Variants in GPATCH2 observed in about 807,000 individuals in gnomAD.
GPATCH2 encodes G patch domain-containing protein 2.
A neutral mutation model predicts 58.0 loss-of-function variants in GPATCH2; 51 were observed. That is an observed-to-expected ratio of 0.88 (90% CI 0.70 to 1.11). GPATCH2 has a LOEUF of 1.11. GPATCH2 is among the 50% of genes most tolerant of loss of function. The pLI is 0.00. For missense variants in GPATCH2, 625 were observed against 652.2 expected (o/e 0.96, Z 0.45); for synonymous variants, 222 against 218.5 (o/e 1.02, Z -0.14).
In GPATCH2 at chr1:217,616,455, A is replaced by G. The variant is rs1052014156; in HGVS notation, c.774-2253T>C. Among the ~76,000 whole-genome samples the G allele has an allele frequency of 5.9e-5, 9 of 152,032 alleles. No homozygotes were observed. The South Asian group carries it at 8.3e-4, about 14-fold the overall frequency. On this transcript the variant is annotated intron_variant, in intron 2 of 9. Coordinates refer to ENST00000366935, the MANE Select transcript of GPATCH2 (RefSeq NM_018040.5). ...ACTCTCTTCCCTCTCCACCTGTCCA[A>G]GCTCTTGAAGATATAAGGAAATCAG...
rs1278776823 is a variant in GPATCH2, at chr1:217,523,988, C to T, written c.1099-9099G>A. Among the ~76,000 whole-genome samples, 50 of 145,436 alleles carry T rather than the reference C, an allele frequency of 3.4e-4. 1 individual carries two copies. Among genetic ancestry groups the T allele is most frequent in the East Asian group, 3.4e-3 (16 of 4,760 alleles). ...CTCCCTCCCGGACGGGGCGGCTGGC[C>T]GGGCAGAGGGGCTCCTCACTTCCCA... On this transcript the variant is annotated intron_variant, in intron 5 of 9. Transcript: ENST00000366935.
intron 8 of GPATCH2, among the ~76,000 whole-genome samples, chr1:217,469,055 C>T (rs1397298221): frequency 6.6e-6 from 1 of 151,928 alleles, no homozygotes; most frequent in African/African-American, 2.4e-5. Context: ...TTTTAAGTGA[C>T]CAAATTTGAA....
At chr1:217,479,855 G>A (rs562877173) in intron 8 of GPATCH2, among the ~76,000 whole-genome samples, 1 of 152,084 alleles carries the variant, frequency 6.6e-6, no homozygotes, top group South Asian at 2.1e-4. Context: ...AAAAGAGCAG[G>A]AATAGCTATA....
intron 9 of GPATCH2, among the ~76,000 whole-genome samples, chr1:217,435,160 T>C (rs1281664085): frequency 2.0e-5 from 3 of 152,210 alleles, no homozygotes; most frequent in African/African-American, 4.8e-5. Context: ...ATAATTTCCC[T>C]TTCTTTGGCT....
At chr1:217,463,551 T>A (rs950795023) in intron 8 of GPATCH2, among the ~76,000 whole-genome samples, 2 of 142,866 alleles carry the variant, frequency 1.4e-5, no homozygotes, top group Non-Finnish European at 3.0e-5. Flanking sequence ...ATGCCTGTAA[T>A]CCCAGCACTT....
chr1:217,500,659 T>A (rs1241551351), intron 6 of GPATCH2, among the ~76,000 whole-genome samples: 1 of 152,066 alleles, frequency 6.6e-6, no homozygotes, highest in Non-Finnish European at 1.5e-5. Context: ...GTTTTTAATT[T>A]CTCTAGTAGT....
intron 5 of GPATCH2, among the ~76,000 whole-genome samples, chr1:217,581,380 A>T (rs1156357259): frequency 6.6e-6 from 1 of 152,266 alleles, no homozygotes; most frequent in Non-Finnish European, 1.5e-5. Flanking sequence ...CAAAGGCAAG[A>T]TGACAGAGAA....
At chr1:217,603,494 A>C (rs1668206811) in intron 5 of GPATCH2, among the ~76,000 whole-genome samples, 1 of 152,244 alleles carries the variant, frequency 6.6e-6, no homozygotes, top group Non-Finnish European at 1.5e-5. Flanking sequence ...CAAGACAGAC[A>C]TCATTTAATA....
intron 8 of GPATCH2, among the ~76,000 whole-genome samples, chr1:217,460,950 G>C (rs1433829544): frequency 6.6e-6 from 1 of 152,152 alleles, no homozygotes; most frequent in African/African-American, 2.4e-5. Context: ...GCAAATACAG[G>C]CTGAAGACTG....
intron 5 of GPATCH2, among the ~76,000 whole-genome samples, chr1:217,566,229 T>C (rs1209229272): frequency 6.6e-6 from 1 of 152,062 alleles, no homozygotes; most frequent in Non-Finnish European, 1.5e-5. Context: ...TTTAGATACT[T>C]GACTAGCAGT....
chr1:217,439,917 G>C (rs1014250115), intron 9 of GPATCH2, among the ~76,000 whole-genome samples: 3 of 152,186 alleles, frequency 2.0e-5, no homozygotes, highest in Non-Finnish European at 4.4e-5. Flanking sequence ...TGGATTCACA[G>C]TCAAATTCTA....
At chr1:217,442,963 T>C (rs532731523) in intron 9 of GPATCH2, among the ~76,000 whole-genome samples, 307 of 152,326 alleles carry the variant, frequency 2.0e-3, no homozygotes, top group Non-Finnish European at 3.6e-3. Context: ...TTGAAGACTA[T>C]ATGCAATATT....
At chr1:217,605,730 T>C (rs900961155) in intron 5 of GPATCH2, among the ~76,000 whole-genome samples, 4 of 152,200 alleles carry the variant, frequency 2.6e-5, no homozygotes, top group African/African-American at 4.8e-5. Flanking sequence ...AAAATACTGA[T>C]TTTTTAGGAT....
At chr1:217,493,949 A>C (rs10157305) in intron 7 of GPATCH2, among the ~76,000 whole-genome samples, 20,667 of 151,970 alleles carry the variant, frequency 0.14, 2,749 homozygotes, top group African/African-American at 0.35. Flanking sequence ...ATCCCAAACC[A>C]AATGTTATGG....
At chr1:217,553,505 A>G (rs1180229989) in intron 5 of GPATCH2, among the ~76,000 whole-genome samples, 1 of 152,164 alleles carries the variant, frequency 6.6e-6, no homozygotes, top group African/African-American at 2.4e-5. Flanking sequence ...CAGGTATATC[A>G]TTATTGTAAT....
In GPATCH2 at chr1:217,431,153, A is replaced by G. The variant is rs201350030; in HGVS notation, c.1579T>C (p.Ser527Pro). ...SATTTPNAGK[S>P]A is the part of the protein sequence containing the mutation. Reference sequence around the variant, plus strand: ...TTTCTTCTTTGCTTTTCTTAGGCGGATTTTCCTGCATTGGGGGTAGTAGTT... The same window carrying G: ...TTTCTTCTTTGCTTTTCTTAGGCGGGTTTTCCTGCATTGGGGGTAGTAGTT... The change falls in exon 10 of 10, where the codon TCC becomes CCC. Residue 527 changes from serine to proline, a missense_variant. Ser to Pro is a moderately conservative substitution (Grantham distance 74). Coordinates refer to ENST00000366935, the MANE Select transcript of GPATCH2 (RefSeq NM_018040.5). The G allele has an allele frequency of 8.9e-6, 13 of 1,467,256 alleles. No individual in the cohort carries two copies. In the African/African-American group the frequency reaches 1.1e-4, roughly 13 times the overall value. The allele number at this position is 1,467,256 out of a possible 1,614,324, so 90.9% of individuals were successfully genotyped here.
intron 5 of GPATCH2, among the ~76,000 whole-genome samples, chr1:217,568,109 T>C (rs1188493176): frequency 6.6e-6 from 1 of 151,906 alleles, no homozygotes; most frequent in Admixed American, 6.5e-5. Context: ...AGAGCAAGAC[T>C]CCGTCTCAAA....
intron 6 of GPATCH2, 132 bp from the exon 7 acceptor site, chr1:217,498,527 T>C (rs1211049509): frequency 2.7e-6 from 2 of 732,910 alleles, no homozygotes; most frequent in Non-Finnish European, 4.9e-6. Flanking sequence ...TTTTAATGGA[T>C]GTTTCATGTA....
At chr1:217,496,963 T>G (rs1662042104) in intron 7 of GPATCH2, among the ~76,000 whole-genome samples, 1 of 152,032 alleles carries the variant, frequency 6.6e-6, no homozygotes, top group African/African-American at 2.4e-5. Flanking sequence ...CAAAAAGATT[T>G]AAAAAGATAA....
Sources: allele counts gnomAD v4.1 joint callset (sites outside exome capture counted in the v4.1 genomes callset), GRCh38; gene constraint gnomAD v4.1.1; transcripts MANE v1.5; gene names NCBI Gene and HGNC (gene_info 2026-07-23, HGNC 2026-07-21).